The following RHOT1 variants were observed in gnomAD, a reference collection of about 807,000 sequenced individuals.
RHOT1 encodes the protein mitochondrial Rho GTPase 1.
Under a neutral mutation model 95.3 loss-of-function variants are expected in RHOT1, and 27 were observed. The ratio of observed to expected loss-of-function variants is 0.28; its 90% CI spans 0.21 to 0.39. The LOEUF (loss-of-function observed/expected upper bound fraction) is 0.39, where lower values mean the gene tolerates loss of function less well. RHOT1 is among the 10% of genes least tolerant of loss of function. The pLI is 1.00. For synonymous variants in RHOT1, 227 were observed against 263.5 expected, an observed-to-expected ratio of 0.86 and a Z score of 1.34; for missense variants, 578 against 786.7, an observed-to-expected ratio of 0.73 and a Z score of 3.17.
intron 1 of RHOT1, among the ~76,000 whole-genome samples, chr17:32,166,131 T>A (rs2034059390): frequency 6.7e-6 from 1 of 149,162 alleles, no homozygotes; most frequent in Non-Finnish European, 1.5e-5. Flanking sequence ...GAGGTTGCAG[T>A]GAGCCAAGAT....
chr17:32,175,590 G>A (rs2034934575), intron 4 of RHOT1, among the ~76,000 whole-genome samples: 1 of 152,060 alleles, frequency 6.6e-6, no homozygotes, highest in Admixed American at 6.6e-5. Flanking sequence ...CCAAGTAGCT[G>A]GGATTACAGG....
chr17:32,208,400 GA>G, intron 18 of RHOT1, 91 bp downstream of exon 18: 1 of 1,248,854 alleles, frequency 8.0e-7, no homozygotes, highest in Non-Finnish European at 1.2e-6. Flanking sequence ...TGTCACATAG[GA>G]ATTGTTCAGC....
chr17:32,176,985 T>G (rs2035060281), intron 6 of RHOT1, among the ~76,000 whole-genome samples: 1 of 152,238 alleles, frequency 6.6e-6, no homozygotes. Context: ...CTTGAAACGC[T>G]AAAGATCTGG....
intron 11 of RHOT1, among the ~76,000 whole-genome samples, chr17:32,195,595 T>C (rs999218180): frequency 6.6e-6 from 1 of 152,186 alleles, no homozygotes; most frequent in Non-Finnish European, 1.5e-5. Flanking sequence ...ATTCTTCATT[T>C]TTTCATTGGC....
intron 1 of RHOT1, among the ~76,000 whole-genome samples, chr17:32,149,935 A>G (rs543216001): frequency 6.6e-6 from 1 of 151,964 alleles, no homozygotes; most frequent in South Asian, 2.1e-4. Flanking sequence ...TTTTTTTAGT[A>G]GAGATGGGTT....
chr17:32,175,019 C>T (rs1478928842), intron 3 of RHOT1, among the ~76,000 whole-genome samples: 1 of 152,192 alleles, frequency 6.6e-6, no homozygotes, highest in East Asian at 1.9e-4. Context: ...ACCCAGTCTG[C>T]TAGCTTGGAT....
chr17:32,154,530 T>A (rs1008239834), intron 1 of RHOT1, among the ~76,000 whole-genome samples: 18 of 136,004 alleles, frequency 1.3e-4, no homozygotes, highest in Non-Finnish European at 2.0e-4. Context: ...GAGCTTACGG[T>A]GAGCAGAGAC....
chr17:32,176,454 T>C (rs553561963), intron 6 of RHOT1, among the ~76,000 whole-genome samples: 1 of 152,182 alleles, frequency 6.6e-6, no homozygotes, highest in South Asian at 2.1e-4. Flanking sequence ...AACAGAACTC[T>C]GATATCATGA....
At chr17:32,150,110 T>G (rs2032103095) in intron 1 of RHOT1, among the ~76,000 whole-genome samples, 1 of 152,162 alleles carries the variant, frequency 6.6e-6, no homozygotes, top group Non-Finnish European at 1.5e-5. Flanking sequence ...GCTTTATTAT[T>G]CCTTTGATAG....
At chr17:32,177,606 T>G (rs1183508092) in intron 6 of RHOT1, among the ~76,000 whole-genome samples, 1 of 151,410 alleles carries the variant, frequency 6.6e-6, no homozygotes, top group Non-Finnish European at 1.5e-5. Flanking sequence ...TACAAAAAAA[T>G]TAGCTGGGTG....
intron 1 of RHOT1, among the ~76,000 whole-genome samples, chr17:32,158,753 C>T (rs751018094): frequency 5.9e-5 from 9 of 152,138 alleles, no homozygotes; most frequent in South Asian, 2.1e-4. Flanking sequence ...CCAGCGTGTC[C>T]GGCCGTTTCT....
chr17:32,184,255 G>A (rs8076166), intron 8 of RHOT1, among the ~76,000 whole-genome samples: 6,912 of 151,890 alleles, frequency 0.046, 535 homozygotes, highest in African/African-American at 0.16. Context: ...CCGTTACTCA[G>A]CCCCTGGCCA....
Position 32,199,011 on chromosome 17 carries a change from A to G in RHOT1, c.934A>G (p.Thr312Ala), listed in dbSNP as rs1242901440. The change falls in exon 12 of 20, where the codon ACC becomes GCC. Residue 312 changes from threonine to alanine, a missense_variant. Physicochemically the swap from Thr to Ala is moderately conservative, Grantham distance 58 (BLOSUM62 0). Coordinates refer to ENST00000545287, the MANE Select transcript of RHOT1 (RefSeq NM_001033566.3). ...NHHAYLFLQS[T>A]FDKHDLDRDC... ...TCATGCATATTTATTTCTCCAAAGCACCTTTGACAAGCATGATTTGGTAAG... is the reference window on the plus strand; with the variant it reads ...TCATGCATATTTATTTCTCCAAAGCGCCTTTGACAAGCATGATTTGGTAAG... 1 of 1,609,110 alleles carries G rather than the reference A, an allele frequency of 6.2e-7. No homozygotes were observed. Among genetic ancestry groups the G allele is most frequent in the Admixed American group, 1.7e-5 (1 of 59,984 alleles).
intron 1 of RHOT1, among the ~76,000 whole-genome samples, chr17:32,169,365 A>G (rs1219380579): frequency 1.3e-5 from 2 of 152,232 alleles, no homozygotes; most frequent in Non-Finnish European, 2.9e-5. Context: ...TAGTAATTAT[A>G]TGATCAGAAA....
At chr17:32,200,876 T>G in intron 13 of RHOT1, 80 bp from the exon 14 acceptor site, 2 of 1,004,468 alleles carry the variant, frequency 2.0e-6, no homozygotes, top group African/African-American at 1.6e-5. Context: ...GTGCATAAAG[T>G]TTTTTTAGCT....
chr17:32,160,690 G>A (rs962043825), intron 1 of RHOT1, among the ~76,000 whole-genome samples: 2 of 152,186 alleles, frequency 1.3e-5, no homozygotes, highest in Admixed American at 6.5e-5. Flanking sequence ...TTGCAGCCTC[G>A]CAGGGAGATG....
chr17:32,186,692 C>T (rs2036085443), intron 8 of RHOT1, among the ~76,000 whole-genome samples: 1 of 151,670 alleles, frequency 6.6e-6, no homozygotes, highest in African/African-American at 2.4e-5. Context: ...GAGACAGGGT[C>T]TCACCATCAT....
chr17:32,199,354 G>C, intron 12 of RHOT1, 51 bp from the exon 13 acceptor site: 1 of 1,541,898 alleles, frequency 6.5e-7, no homozygotes, highest in Middle Eastern at 1.7e-4. Context: ...TTTTGAGTTG[G>C]GAATTATTAT....
chr17:32,190,280 C>A (rs1050396122), intron 8 of RHOT1, among the ~76,000 whole-genome samples: 10 of 151,932 alleles, frequency 6.6e-5, no homozygotes, highest in African/African-American at 2.4e-4. Context: ...ATGGTGAAAC[C>A]CCGTCTCTAC....
Sources: allele counts gnomAD v4.1 joint callset (sites outside exome capture counted in the v4.1 genomes callset), GRCh38; gene constraint gnomAD v4.1.1; transcripts MANE v1.5; gene names NCBI Gene and HGNC (gene_info 2026-07-23, HGNC 2026-07-21).